Variants in TMEM114 observed in about 807,000 individuals in gnomAD.
TMEM114 encodes claudin-26.
In TMEM114, 6 loss-of-function variants were observed where a neutral mutation model predicts 6.2. The ratio of observed to expected loss-of-function variants is 0.97; its 90% confidence interval spans 0.53 to 1.91. The LOEUF is 1.91. Ranked by LOEUF, TMEM114 falls within the 40% of genes most tolerant of loss-of-function variation. The pLI is 0.01. For synonymous variants in TMEM114, 104 were observed against 73.0 expected (o/e 1.42, Z -2.16); for missense variants, 218 against 158.3 (o/e 1.38, Z -2.02).
downstream of TMEM114, among the ~76,000 whole-genome samples, chr16:8,568,491 G>A (rs1033317424): frequency 3.9e-5 from 6 of 152,322 alleles, no homozygotes; most frequent in South Asian, 6.2e-4. Flanking sequence ...CTGACTGACC[G>A]ACTGGCATGG....
chr16:8,549,028 A>G (rs1201713234), intron 2 of TMEM114, among the ~76,000 whole-genome samples: 3 of 151,980 alleles, frequency 2.0e-5, no homozygotes, highest in East Asian at 3.9e-4. Context: ...TAAAAATACA[A>G]AGATTTAGCC....
At chr16:8,530,346 C>T in the TMEM114 span, among the ~76,000 whole-genome samples, 2 of 152,274 alleles carry the variant, frequency 1.3e-5, no homozygotes, top group Admixed American at 6.5e-5. Context: ...GGACCTTGGA[C>T]GTGACCCTTT....
chr16:8,563,415 TAGTGAGTGAATGAGTGAGGCAATG>T (rs1567202951), intron 2 of TMEM114, among the ~76,000 whole-genome samples: 2 of 105,566 alleles, frequency 1.9e-5, no homozygotes, highest in Non-Finnish European at 3.9e-5. Flanking sequence ...GTGAGTTAAT[TAGTGAGTGAATGAGTGAGGCAATG>T]AGTAAGTGAA....
the TMEM114 span, among the ~76,000 whole-genome samples, chr16:8,530,249 G>C: frequency 6.6e-6 from 1 of 152,172 alleles, no homozygotes; most frequent in Non-Finnish European, 1.5e-5. Context: ...AAGTATCTGA[G>C]ATGAGCTGAT....
chr16:8,561,154 G>C (rs1197245096), intron 2 of TMEM114, among the ~76,000 whole-genome samples: 1 of 152,176 alleles, frequency 6.6e-6, no homozygotes, highest in Non-Finnish European at 1.5e-5. Flanking sequence ...GATTTGGGTG[G>C]GGACACAGCC....
intron 2 of TMEM114, among the ~76,000 whole-genome samples, chr16:8,561,400 A>T (rs1433093026): frequency 1.3e-5 from 2 of 152,252 alleles, no homozygotes; most frequent in African/African-American, 4.8e-5. Context: ...CTTACCAGGA[A>T]GCATACCCCG....
chr16:8,539,232 T>A (rs1236139599), intron 2 of TMEM114, among the ~76,000 whole-genome samples: 1 of 152,038 alleles, frequency 6.6e-6, no homozygotes, highest in Non-Finnish European at 1.5e-5. Flanking sequence ...GCCCTCAGGG[T>A]GCTTCCAGCT....
chr16:8,532,253 A>C, the TMEM114 span, among the ~76,000 whole-genome samples: 1 of 152,060 alleles, frequency 6.6e-6, no homozygotes, highest in Admixed American at 6.6e-5. Flanking sequence ...AATGAACGTA[A>C]CTCCTAGAGT....
In TMEM114 at chr16:8,572,190, G is replaced by A. The variant is rs1384123741; in HGVS notation, c.336C>T (p.Leu112=). 3 of 1,551,684 alleles carry A rather than the reference G, an allele frequency of 1.9e-6. No individual in the cohort carries two copies. The highest frequency in any genetic ancestry group is 2.4e-5 in the East Asian group (1 of 40,912). The change falls in exon 3 of 4, where the codon CTC becomes CTT. Residue 112 remains leucine, a synonymous_variant. Transcript: ENST00000620492. The part of the protein sequence containing the change: ...MHGTFVILLP[L]SLILMVFGGM... ...CCCCAAAAACCATCAGGATCAGGCT[G>A]AGCGGCAGCAGAATCACAAATGTCC...
At chr16:8,589,469 C>A in intron 1 of TMEM114, 150 bp downstream of exon 1, 1 of 397,954 alleles carries the variant, frequency 2.5e-6, no homozygotes. Context: ...GCAGTCCCGG[C>A]CTTCTGCTCA....
Position 8,589,660 on chromosome 16 carries a change from T to G in TMEM114, c.179A>C (p.Glu60Ala). Residue 60 changes from glutamate (E) to alanine (A), a missense_variant, in exon 1 of 4, where the codon GAG (glutamate) becomes GCG (alanine). Transcript: ENST00000620492. ...GAGGCCGGAGTGGGAGCTCAGAGGCTCGGGCTGGCTGCGATTGATGGACCC... is the reference window on the plus strand; with the variant it reads ...GAGGCCGGAGTGGGAGCTCAGAGGCGCGGGCTGGCTGCGATTGATGGACCC... ...LLGSINRSQP[E>A]PLSSHSGLWR... 2.5e-6 allele frequency: 1 copy of G among 398,264 alleles called. No homozygotes were observed. Among genetic ancestry groups the G allele is most frequent in the Non-Finnish European group, 4.4e-6 (1 of 225,966 alleles). The allele number at this position is 398,264 out of a possible 1,614,324, so 24.7% of individuals were successfully genotyped here. A position where few individuals can be genotyped will look rare whatever the true frequency, so the allele number is the denominator to read the frequency against.
chr16:8,545,328 C>A (rs1447963384), intron 2 of TMEM114, among the ~76,000 whole-genome samples: 1 of 152,094 alleles, frequency 6.6e-6, no homozygotes. Context: ...CCCAGCTACT[C>A]AGGAGGCTGA....
intron 2 of TMEM114, among the ~76,000 whole-genome samples, chr16:8,583,745 C>A (rs1902227452): frequency 6.7e-6 from 1 of 150,124 alleles, no homozygotes; most frequent in Non-Finnish European, 1.5e-5. Flanking sequence ...AAGACCATGT[C>A]TCAAAAAAAA....
downstream of TMEM114, among the ~76,000 whole-genome samples, chr16:8,568,425 T>C (rs962740193): frequency 6.6e-6 from 1 of 151,538 alleles, no homozygotes; most frequent in African/African-American, 2.4e-5. Flanking sequence ...TGTCATGTCG[T>C]TGTGGTGGTG....
At chr16:8,558,364 G>A (rs1901084079) in intron 2 of TMEM114, among the ~76,000 whole-genome samples, 1 of 152,122 alleles carries the variant, frequency 6.6e-6, no homozygotes, top group African/African-American at 2.4e-5. Context: ...GTGGCTCCAG[G>A]TGCATCTTGG....
chr16:8,575,463 C>T (rs564189625), intron 2 of TMEM114, among the ~76,000 whole-genome samples: 1 of 152,326 alleles, frequency 6.6e-6, no homozygotes, highest in South Asian at 2.1e-4. Flanking sequence ...ATTAAATTAT[C>T]TACCATGACC....
chr16:8,580,077 G>A (rs1183384248), intron 2 of TMEM114, among the ~76,000 whole-genome samples: 1 of 152,132 alleles, frequency 6.6e-6, no homozygotes, highest in Non-Finnish European at 1.5e-5. Context: ...CTTGCAGCTG[G>A]AGAGGTGAGC....
intron 2 of TMEM114, among the ~76,000 whole-genome samples, chr16:8,542,800 C>G (rs1900553635): frequency 6.6e-6 from 1 of 152,150 alleles, no homozygotes; most frequent in South Asian, 2.1e-4. Flanking sequence ...TCAGTCTCAA[C>G]TCCCCAATCC....
At chr16:8,574,582 C>CTTT (rs1901853664) in intron 2 of TMEM114, among the ~76,000 whole-genome samples, 1 of 142,462 alleles carries the variant, frequency 7.0e-6, no homozygotes, top group Non-Finnish European at 1.5e-5. Context: ...TCCTTCCTTC[C>CTTT]TTCTTTCTTT....
Sources: allele counts gnomAD v4.1 joint callset (sites outside exome capture counted in the v4.1 genomes callset), GRCh38; gene constraint gnomAD v4.1.1; transcripts MANE v1.5; gene names NCBI Gene and HGNC (gene_info 2026-07-23, HGNC 2026-07-21).